Variants in DAB1 observed in about 807,000 individuals in gnomAD.
DAB1 encodes DAB adaptor protein 1.
In DAB1, 15 loss-of-function variants were observed where a neutral mutation model predicts 64.6. That is an observed-to-expected ratio of 0.23 (90% confidence interval 0.16 to 0.36). DAB1 has a LOEUF of 0.36. DAB1 is among the 10% of genes least tolerant of loss of function. DAB1 has a pLI of 1.00. For synonymous variants in DAB1, 235 were observed against 251.9 expected (o/e 0.93, Z 0.64); for missense variants, 596 against 706.7 (o/e 0.84, Z 1.78).
intron 5 of DAB1, among the ~76,000 whole-genome samples, chr1:57,890,597 C>T (rs547343391): frequency 6.6e-6 from 1 of 151,756 alleles, no homozygotes; most frequent in Non-Finnish European, 1.5e-5. Flanking sequence ...CTGGGATCCC[C>T]GGCATGCACT....
At chr1:57,509,364 T>C (rs997921469) in intron 7 of DAB1, among the ~76,000 whole-genome samples, 8 of 152,098 alleles carry the variant, frequency 5.3e-5, no homozygotes, top group African/African-American at 1.9e-4. Context: ...TGCTTGGAAC[T>C]CAGTGAAGTT....
chr1:57,993,090 A>G (rs562353707), intron 5 of DAB1, among the ~76,000 whole-genome samples: 1 of 152,252 alleles, frequency 6.6e-6, no homozygotes, highest in African/African-American at 2.4e-5. Context: ...TAAAAGCCCA[A>G]GCTTTTCCTA....
At chr1:57,992,912 T>C (rs1036629001) in intron 5 of DAB1, among the ~76,000 whole-genome samples, 1 of 152,132 alleles carries the variant, frequency 6.6e-6, no homozygotes, top group Non-Finnish European at 1.5e-5. Flanking sequence ...AGGACTACCA[T>C]ACATTGAACT....
At position 57,877,585 on chromosome 1, in the gene DAB1, G is replaced by A. The variant is rs1458449918; in HGVS notation, n.87+6414C>T. ...TTTTTTTTTTTTGAGACGGAGTCTCGCTCTGTCGCCCAGGCCGGACTGCGG... is the reference window on the plus strand; with the variant it reads ...TTTTTTTTTTTTGAGACGGAGTCTCACTCTGTCGCCCAGGCCGGACTGCGG... On this transcript the variant is annotated intron_variant and non_coding_transcript_variant, in intron 1 of 1. Transcript: ENST00000477280. 1.7e-4 allele frequency among the ~76,000 whole-genome samples: 3 copies of A among 18,138 alleles called. 1 individual carries two copies. The highest frequency in any genetic ancestry group is 1.0e-3 in the African/African-American group (3 of 2,916). 11.9% of individuals were successfully genotyped at this position (18,138 alleles called of 152,430 possible). A position where few individuals can be genotyped will look rare whatever the true frequency, so the allele number is the denominator to read the frequency against.
At chr1:57,092,400 T>TG (rs1290933650) in intron 4 of DAB1, among the ~76,000 whole-genome samples, 4 of 152,084 alleles carry the variant, frequency 2.6e-5, no homozygotes, top group African/African-American at 9.7e-5. Context: ...GATTGGATCA[T>TG]GGGGGTGGTT....
intron 4 of DAB1, among the ~76,000 whole-genome samples, chr1:58,186,116 G>T (rs1446738547): frequency 2.6e-5 from 4 of 152,218 alleles, no homozygotes; most frequent in African/African-American, 9.6e-5. Flanking sequence ...TGGCCACCCA[G>T]GGAGAGCAAA....
chr1:57,213,333 T>A (rs546640085), intron 2 of DAB1, among the ~76,000 whole-genome samples: 19 of 152,328 alleles, frequency 1.2e-4, no homozygotes, highest in Middle Eastern at 3.4e-3. Flanking sequence ...GAAATCTGCA[T>A]GTATTTTGCA....
At chr1:58,166,599 C>T (rs1050851145) in intron 4 of DAB1, among the ~76,000 whole-genome samples, 11 of 152,098 alleles carry the variant, frequency 7.2e-5, no homozygotes, top group African/African-American at 1.9e-4. Flanking sequence ...AATGCTGCCA[C>T]GTGCATTCCC....
chr1:57,675,714 T>A (rs1260158699), intron 6 of DAB1, among the ~76,000 whole-genome samples: 1 of 152,202 alleles, frequency 6.6e-6, no homozygotes, highest in Non-Finnish European at 1.5e-5. Context: ...ATATTTATGT[T>A]TAAATTAACT....
chr1:58,394,386 C>T (rs1034116632), intron 3 of DAB1, among the ~76,000 whole-genome samples: 17 of 152,080 alleles, frequency 1.1e-4, no homozygotes, highest in African/African-American at 4.1e-4. Flanking sequence ...AAAATGAAAG[C>T]GTATAAAAAT....
At chr1:57,464,759 T>C in intron 7 of DAB1, among the ~76,000 whole-genome samples, 1 of 152,186 alleles carries the variant, frequency 6.6e-6, no homozygotes, top group East Asian at 1.9e-4. Flanking sequence ...AGACAGTCGA[T>C]TGGTGAATTG....
At chr1:57,111,269 G>C (rs954838753) in intron 4 of DAB1, among the ~76,000 whole-genome samples, 1 of 152,046 alleles carries the variant, frequency 6.6e-6, no homozygotes, top group Non-Finnish European at 1.5e-5. Context: ...TGTTCTAATG[G>C]GACAAAATAT....
chr1:58,049,822 G>GCATATGCA (rs1647516674), intron 5 of DAB1, among the ~76,000 whole-genome samples: 6 of 150,516 alleles, frequency 4.0e-5, no homozygotes, highest in Admixed American at 4.0e-4. Context: ...ACACGCATAT[G>GCATATGCA]CACACACACA....
At chr1:57,705,853 A>AT (rs1011085682) in intron 6 of DAB1, among the ~76,000 whole-genome samples, 8 of 148,678 alleles carry the variant, frequency 5.4e-5, no homozygotes, top group Admixed American at 6.8e-5. Flanking sequence ...CTTTGGACTA[A>AT]TGAATCAATA....
intron 3 of DAB1, among the ~76,000 whole-genome samples, chr1:58,409,887 C>A (rs1644650519): frequency 6.6e-6 from 1 of 152,190 alleles, no homozygotes; most frequent in Admixed American, 6.5e-5. Context: ...CTCCAACTGG[C>A]CACAAACAAT....
rs375821412 is a variant in DAB1 at position 58,074,564 on chromosome 1, G to GTATATA, written n.387+75941_387+75946dup. ...TATATACACACATATATATATGTGT[G>GTATATA]TATATATATATATATATATATATAT... On this transcript the variant is annotated intron_variant and non_coding_transcript_variant, in intron 5 of 20. Transcript: ENST00000485760. 1.8e-3 allele frequency: 169 copies of GTATATA among 91,602 alleles called. 3 individuals are homozygous for GTATATA. Among genetic ancestry groups the GTATATA allele is most frequent in the Middle Eastern group, 6.5e-3 (1 of 154 alleles). 5.7% of individuals were successfully genotyped at this position (91,602 alleles called of 1,614,324 possible).
chr1:58,374,554 C>A (rs1293806038), intron 3 of DAB1, among the ~76,000 whole-genome samples: 1 of 148,992 alleles, frequency 6.7e-6, no homozygotes, highest in Non-Finnish European at 1.5e-5. Context: ...TGTTTTGGTA[C>A]CAGTACCATG....
At chr1:57,027,513 C>T (rs919187644) in intron 9 of DAB1, among the ~76,000 whole-genome samples, 1 of 152,202 alleles carries the variant, frequency 6.6e-6, no homozygotes, top group Non-Finnish European at 1.5e-5. Flanking sequence ...TTCATAAATT[C>T]CTTTACTGCC....
intron 7 of DAB1, among the ~76,000 whole-genome samples, chr1:57,457,945 C>T (rs993263495): frequency 5.3e-5 from 8 of 152,066 alleles, no homozygotes; most frequent in Non-Finnish European, 1.0e-4. Context: ...AGCAAAATGA[C>T]AGCCAATTTG....
Sources: gnomAD v4.1 joint callset for allele counts (sites outside exome capture counted in the v4.1 genomes callset) on GRCh38, gnomAD v4.1.1 for gene constraint, MANE v1.5 for transcripts, NCBI Gene and HGNC (gene_info 2026-07-23, HGNC 2026-07-21) for gene names.